PCDH15: variants seen among roughly 807,000 people sequenced by gnomAD.
PCDH15 encodes the protein protocadherin-15.
Under a neutral mutation model 178.5 loss-of-function variants are expected in PCDH15, and 129 were observed. The observed-to-expected ratio is 0.72, with a 90% CI of 0.63 to 0.84. The LOEUF (loss-of-function observed/expected upper bound fraction) is 0.84. Ranked by LOEUF, PCDH15 falls within the 40% of genes least tolerant of loss-of-function variation. The pLI, the probability that PCDH15 is intolerant of heterozygous loss-of-function variation, is 0.00. For missense variants in PCDH15, 2,230 were observed against 2,099.9 expected (o/e 1.06, Z -1.21); for synonymous variants, 800 against 732.0 (o/e 1.09, Z -1.50).
At chr10:54,362,638 C>T (rs1946216223) in intron 5 of PCDH15, among the ~76,000 whole-genome samples, 1 of 151,946 alleles carries the variant, frequency 6.6e-6, no homozygotes, top group Admixed American at 6.6e-5. Flanking sequence ...TTGCGTTGAT[C>T]CTTATAGAGC....
At chr10:54,103,016 A>T (rs917119017) in intron 15 of PCDH15, among the ~76,000 whole-genome samples, 1 of 152,134 alleles carries the variant, frequency 6.6e-6, no homozygotes, top group Non-Finnish European at 1.5e-5. Context: ...CTCCTTGGAG[A>T]AGGATGGAAG....
chr10:55,254,799 G>A (rs923453143), intron 1 of PCDH15, among the ~76,000 whole-genome samples: 1 of 152,168 alleles, frequency 6.6e-6, no homozygotes, highest in African/African-American at 2.4e-5. Context: ...AAGAAGAAAT[G>A]AGCAGCATCT....
intron 20 of PCDH15, among the ~76,000 whole-genome samples, chr10:54,008,105 G>A (rs1442190775): frequency 1.3e-5 from 2 of 152,162 alleles, no homozygotes; most frequent in African/African-American, 2.4e-5. Context: ...GAAAGCAAGT[G>A]TCAGTCTACA....
chr10:54,402,071 A>C (rs1367159376), intron 3 of PCDH15, among the ~76,000 whole-genome samples: 2 of 151,908 alleles, frequency 1.3e-5, no homozygotes, highest in Non-Finnish European at 2.9e-5. Context: ...TTTTACCAAG[A>C]ATGCATGGTT....
chr10:55,333,329 A>G (rs1844263867), intron 2 of PCDH15, among the ~76,000 whole-genome samples: 1 of 152,138 alleles, frequency 6.6e-6, no homozygotes, highest in Non-Finnish European at 1.5e-5. Flanking sequence ...TGAGACTGGC[A>G]AAACTCAAAG....
intron 2 of PCDH15, among the ~76,000 whole-genome samples, chr10:55,353,969 C>T (rs1017400700): frequency 3.9e-5 from 6 of 152,012 alleles, no homozygotes; most frequent in South Asian, 4.1e-4. Context: ...AGCTCAGAGA[C>T]GATTCTTTAT....
chr10:54,367,475 G>A (rs556730169), intron 5 of PCDH15, among the ~76,000 whole-genome samples: 1 of 152,044 alleles, frequency 6.6e-6, no homozygotes, highest in Non-Finnish European at 1.5e-5. Flanking sequence ...CTGAAAGAAG[G>A]ATGAACTATG....
chr10:55,258,341 C>T (rs1842058126), intron 1 of PCDH15, among the ~76,000 whole-genome samples: 1 of 152,172 alleles, frequency 6.6e-6, no homozygotes, highest in African/African-American at 2.4e-5. Flanking sequence ...TCTTGCCCTA[C>T]CCTAATGGAA....
intron 1 of PCDH15, among the ~76,000 whole-genome samples, chr10:55,276,954 A>T (rs1448721862): frequency 6.6e-6 from 1 of 152,056 alleles, no homozygotes; most frequent in Non-Finnish European, 1.5e-5. Flanking sequence ...AAGAATTCTC[A>T]GTATGATCGT....
chr10:54,989,265 T>G (rs1839446065), intron 2 of PCDH15, among the ~76,000 whole-genome samples: 1 of 152,172 alleles, frequency 6.6e-6, no homozygotes, highest in Admixed American at 6.5e-5. Flanking sequence ...AGAAGGGATA[T>G]GTGGGGTCAG....
chr10:55,259,829 G>C (rs1235538211), intron 1 of PCDH15, among the ~76,000 whole-genome samples: 1 of 137,892 alleles, frequency 7.3e-6, no homozygotes, highest in Non-Finnish European at 1.5e-5. Flanking sequence ...TTGAACCTGG[G>C]AGGCAGAGGT....
intron 27 of PCDH15, among the ~76,000 whole-genome samples, chr10:53,858,530 A>AG (rs1030415661): frequency 1.3e-5 from 2 of 152,166 alleles, no homozygotes; most frequent in Non-Finnish European, 2.9e-5. Context: ...TCAGTTTTTC[A>AG]GGAAAAAAAG....
intron 13 of PCDH15, among the ~76,000 whole-genome samples, chr10:54,159,053 G>A (rs1278340519): frequency 1.3e-5 from 2 of 150,634 alleles, no homozygotes; most frequent in Admixed American, 6.6e-5. Context: ...AGCTTGCAGT[G>A]AGCCGAGATT....
chr10:54,812,456 G>T (rs1212011836), intron 3 of PCDH15, among the ~76,000 whole-genome samples: 1 of 151,212 alleles, frequency 6.6e-6, no homozygotes, highest in East Asian at 2.0e-4. Flanking sequence ...TTGTTGGTTT[G>T]TTCTGTTTTG....
intron 3 of PCDH15, among the ~76,000 whole-genome samples, chr10:54,501,780 ATTTGT>A (rs1318325414): frequency 6.6e-6 from 1 of 151,978 alleles, no homozygotes; most frequent in African/African-American, 2.4e-5. Context: ...ATTATATATG[ATTTGT>A]TTTATTTGAT....
At chr10:55,070,460 G>A (rs1195611636) in intron 2 of PCDH15, among the ~76,000 whole-genome samples, 3 of 152,044 alleles carry the variant, frequency 2.0e-5, no homozygotes, top group African/African-American at 7.2e-5. Flanking sequence ...TTTGTATAAG[G>A]TGTAAGGAAG....
chr10:54,454,891 C>A lies in PCDH15; in HGVS notation c.157+72921G>T, dbSNP rs528110841. Among the ~76,000 whole-genome samples the A allele has an allele frequency of 1.1e-3, 171 of 152,172 alleles. 2 individuals are homozygous for A. Among genetic ancestry groups the A allele is most frequent in the Non-Finnish European group, 2.2e-3 (150 of 68,016 alleles). ...TGATAAGGTTTGGCTGTGTCCCCAC[C>A]CATATATCATCTTGAATTGTAATTC... On this transcript the variant is annotated intron_variant, in intron 3 of 37. Transcript: ENST00000644397.
chr10:55,496,846 G>A (rs943727255), intron 2 of PCDH15, among the ~76,000 whole-genome samples: 3 of 151,738 alleles, frequency 2.0e-5, no homozygotes, highest in Admixed American at 6.6e-5. Context: ...ATTATTGACT[G>A]CTTTCATAAT....
chr10:54,450,088 A>C (rs1320487357), intron 3 of PCDH15, among the ~76,000 whole-genome samples: 2 of 149,650 alleles, frequency 1.3e-5, no homozygotes, highest in East Asian at 3.9e-4. Context: ...TTCCACATTT[A>C]GAAGCAAGTT....
Sources: allele counts gnomAD v4.1 joint callset (sites outside exome capture counted in the v4.1 genomes callset), GRCh38; gene constraint gnomAD v4.1.1; transcripts MANE v1.5; gene names NCBI Gene and HGNC (gene_info 2026-07-23, HGNC 2026-07-21).